The following GPATCH2 variants were observed in gnomAD, a reference collection of about 807,000 sequenced individuals.
GPATCH2 encodes G patch domain-containing protein 2.
Under a neutral mutation model 58.0 loss-of-function variants are expected in GPATCH2, and 51 were observed. The ratio of observed to expected loss-of-function variants is 0.88; its 90% CI spans 0.70 to 1.11. The LOEUF is 1.11. Among genes scored for constraint, GPATCH2 ranks in the 50% most tolerant of loss-of-function variants. The pLI, the probability that GPATCH2 is intolerant of heterozygous loss-of-function variation, is 0.00. For synonymous variants in GPATCH2, 222 were observed against 218.5 expected (o/e 1.02, Z -0.14); for missense variants, 625 against 652.2 (o/e 0.96, Z 0.45).
intron 5 of GPATCH2, among the ~76,000 whole-genome samples, chr1:217,562,433 A>G (rs1665972933): frequency 6.6e-6 from 1 of 152,166 alleles, no homozygotes; most frequent in South Asian, 2.1e-4. Flanking sequence ...GAGGCAACTT[A>G]TGGGAATCAA....
At chr1:217,598,607 A>G (rs964028224) in intron 5 of GPATCH2, among the ~76,000 whole-genome samples, 3 of 151,698 alleles carry the variant, frequency 2.0e-5, no homozygotes, top group East Asian at 2.0e-4. Flanking sequence ...TGCCTGCCAC[A>G]GGTACCTGCC....
At chr1:217,562,193 C>T (rs1665961628) in intron 5 of GPATCH2, among the ~76,000 whole-genome samples, 1 of 152,100 alleles carries the variant, frequency 6.6e-6, no homozygotes, top group South Asian at 2.1e-4. Flanking sequence ...ACGGAATGCC[C>T]CCCTCCCTTT....
chr1:217,600,008 T>C (rs1668037117), intron 5 of GPATCH2, among the ~76,000 whole-genome samples: 1 of 152,158 alleles, frequency 6.6e-6, no homozygotes, highest in African/African-American at 2.4e-5. Flanking sequence ...TAAATGTTAC[T>C]ACATAGTTAC....
intron 8 of GPATCH2, among the ~76,000 whole-genome samples, chr1:217,479,395 GTT>G (rs1661116239): frequency 6.6e-6 from 1 of 152,116 alleles, no homozygotes; most frequent in African/African-American, 2.4e-5. Context: ...TTGAGGCATA[GTT>G]TTTAATTAGT....
At chr1:217,498,269 A>G in intron 7 of GPATCH2, 87 bp downstream of exon 7, 3 of 1,015,698 alleles carry the variant, frequency 3.0e-6, no homozygotes, top group Non-Finnish European at 4.7e-6. Context: ...ATTTTTTCTC[A>G]TAAAGCTGAT....
At chr1:217,451,891 C>G (rs1379476954) in intron 8 of GPATCH2, among the ~76,000 whole-genome samples, 2 of 152,110 alleles carry the variant, frequency 1.3e-5, no homozygotes, top group African/African-American at 4.8e-5. Context: ...ACAGTTTAAG[C>G]CACTGCAGGT....
intron 5 of GPATCH2, among the ~76,000 whole-genome samples, chr1:217,582,076 C>T (rs1314086838): frequency 6.6e-6 from 1 of 152,162 alleles, no homozygotes; most frequent in East Asian, 1.9e-4. Context: ...TAATATGAGA[C>T]AACTTTCAAA....
chr1:217,529,766 A>G (rs969076788), intron 5 of GPATCH2, among the ~76,000 whole-genome samples: 4 of 152,194 alleles, frequency 2.6e-5, no homozygotes, highest in African/African-American at 9.6e-5. Flanking sequence ...GAAGCTCATG[A>G]GAAATAACAA....
intron 9 of GPATCH2, among the ~76,000 whole-genome samples, chr1:217,445,164 C>T (rs1659328904): frequency 6.6e-6 from 1 of 151,980 alleles, no homozygotes; most frequent in Non-Finnish European, 1.5e-5. Context: ...CATTTCACTT[C>T]TATACTTAAA....
intron 1 of GPATCH2, among the ~76,000 whole-genome samples, chr1:217,621,132 T>C (rs957686768): frequency 6.6e-6 from 1 of 152,232 alleles, no homozygotes; most frequent in Non-Finnish European, 1.5e-5. Flanking sequence ...CCATCATTAC[T>C]TCATTCTGAA....
chr1:217,625,832 A>AAATTAGCTGG lies in GPATCH2; in HGVS notation c.56+5074_56+5083dup, dbSNP rs1405716480. Among the ~76,000 whole-genome samples, 2 of 152,104 alleles carry AAATTAGCTGG rather than the reference A, an allele frequency of 1.3e-5. 1 individual carries two copies. Among genetic ancestry groups the AAATTAGCTGG allele is most frequent in the Non-Finnish European group, 2.9e-5 (2 of 68,002 alleles). On this transcript the variant is annotated intron_variant, in intron 1 of 9. Transcript: ENST00000366935. The stretch of plus-strand genomic sequence containing the variant: ...ACTCCATCTCTACTAAAAAATACAA[A>AAATTAGCTGG]AATTAGCTGGCCGTGGTGGTGCACA...
intron 8 of GPATCH2, among the ~76,000 whole-genome samples, chr1:217,473,646 A>C (rs1425669860): frequency 6.6e-6 from 1 of 152,098 alleles, no homozygotes; most frequent in Non-Finnish European, 1.5e-5. Flanking sequence ...AAATGGAAGA[A>C]AGGATGTAAA....
chr1:217,524,062 T>G (rs1374428052), intron 5 of GPATCH2, among the ~76,000 whole-genome samples: 10 of 146,106 alleles, frequency 6.8e-5, no homozygotes, highest in African/African-American at 2.6e-4. Context: ...ATGGGGCGGC[T>G]GGCCAGGCGG....
intron 5 of GPATCH2, among the ~76,000 whole-genome samples, chr1:217,550,709 A>G (rs902432765): frequency 1.3e-5 from 2 of 151,968 alleles, no homozygotes; most frequent in African/African-American, 2.4e-5. Flanking sequence ...CTTACTCTGT[A>G]CTTATCACAA....
intron 9 of GPATCH2, among the ~76,000 whole-genome samples, chr1:217,434,494 T>C (rs1658717067): frequency 6.6e-6 from 1 of 152,214 alleles, no homozygotes; most frequent in African/African-American, 2.4e-5. Context: ...CCTTAGCGTG[T>C]TGTCTCATAT....
intron 8 of GPATCH2, among the ~76,000 whole-genome samples, chr1:217,480,686 C>T (rs1194800617): frequency 6.6e-6 from 1 of 152,164 alleles, no homozygotes; most frequent in Non-Finnish European, 1.5e-5. Flanking sequence ...GAGATACCTG[C>T]ACTCCCATGT....
chr1:217,486,898 A>G (rs756184299), intron 8 of GPATCH2, among the ~76,000 whole-genome samples: 31 of 152,184 alleles, frequency 2.0e-4, no homozygotes, highest in Non-Finnish European at 1.3e-4. Flanking sequence ...CAAGGACATG[A>G]TAATCTTTCA....
chr1:217,523,075 A>G (rs1663553566), intron 5 of GPATCH2, among the ~76,000 whole-genome samples: 2 of 151,932 alleles, frequency 1.3e-5, no homozygotes, highest in Admixed American at 1.3e-4. Context: ...GTAATTTTAT[A>G]TTCAAAATGA....
intron 8 of GPATCH2, among the ~76,000 whole-genome samples, chr1:217,489,994 T>G (rs1356563118): frequency 6.6e-6 from 1 of 152,250 alleles, no homozygotes; most frequent in African/African-American, 2.4e-5. Flanking sequence ...AATCAGTATA[T>G]TGGCTCGTTA....
Sources: gnomAD v4.1 joint callset for allele counts (sites outside exome capture counted in the v4.1 genomes callset) on GRCh38, gnomAD v4.1.1 for gene constraint, MANE v1.5 for transcripts, NCBI Gene and HGNC (gene_info 2026-07-23, HGNC 2026-07-21) for gene names.